Variants in ARHGAP28 observed in about 807,000 individuals in gnomAD.
The protein encoded by ARHGAP28 is Rho GTPase activating protein 28.
A neutral mutation model predicts 90.7 loss-of-function variants in ARHGAP28; 56 were observed. That is an observed-to-expected ratio of 0.62 (90% CI 0.50 to 0.77). The LOEUF (loss-of-function observed/expected upper bound fraction) is 0.77. Ranked by LOEUF, ARHGAP28 falls within the 30% of genes least tolerant of loss-of-function variation. The pLI, the probability that ARHGAP28 is intolerant of heterozygous loss-of-function variation, is 0.00. For synonymous variants in ARHGAP28, 308 were observed against 323.3 expected, an observed-to-expected ratio of 0.95 and a Z score of 0.51; for missense variants, 869 against 900.9, an observed-to-expected ratio of 0.96 and a Z score of 0.45.
chr18:6,849,657 A>T (rs1216216342), intron 3 of ARHGAP28, among the ~76,000 whole-genome samples: 1 of 152,194 alleles, frequency 6.6e-6, no homozygotes, highest in Admixed American at 6.5e-5. Context: ...AGTAATGTAT[A>T]GCTATTGGCC....
intron 1 of ARHGAP28, among the ~76,000 whole-genome samples, chr18:6,758,536 CTGG>C (rs1301317414): frequency 6.6e-6 from 1 of 152,186 alleles, no homozygotes; most frequent in Non-Finnish European, 1.5e-5. Context: ...GTTAGCCAGG[CTGG>C]TCTCGAACTC....
chr18:6,779,913 C>T (rs1260406018), intron 1 of ARHGAP28, among the ~76,000 whole-genome samples: 1 of 152,170 alleles, frequency 6.6e-6, no homozygotes, highest in Non-Finnish European at 1.5e-5. Flanking sequence ...TAACTTTGAA[C>T]CTGAGAGTCC....
chr18:6,880,233 T>G lies in ARHGAP28; in HGVS notation c.1291-1904T>G, dbSNP rs1016525182. Among the ~76,000 whole-genome samples the G allele has an allele frequency of 7.2e-5, 11 of 152,270 alleles. 1 individual carries two copies. Among genetic ancestry groups the G allele is most frequent in the Admixed American group, 2.0e-4 (3 of 15,304 alleles). The stretch of plus-strand genomic sequence containing the variant: ...GTCTTGGAAAATCATCTCGGATGAT[T>G]ATTTCTCCCTTTGAGTCTCATATTC... On this transcript the variant is annotated intron_variant, in intron 10 of 17. Transcript: ENST00000383472.
intron 1 of ARHGAP28, chr18:6,790,016 A>T (rs1344031955): frequency 4.6e-5 from 7 of 152,018 alleles, no homozygotes; most frequent in African/African-American, 1.7e-4. Context: ...TTTACAAAAC[A>T]CAAAGAGAGA....
chr18:6,879,226 G>A (rs1480273071), intron 10 of ARHGAP28, among the ~76,000 whole-genome samples: 4 of 152,124 alleles, frequency 2.6e-5, no homozygotes, highest in Admixed American at 6.5e-5. Flanking sequence ...GCCAAACACC[G>A]GGGAATATAT....
At chr18:6,748,073 TCATGGC>T (rs1437962180) in intron 1 of ARHGAP28, among the ~76,000 whole-genome samples, 1 of 152,208 alleles carries the variant, frequency 6.6e-6, no homozygotes, top group Non-Finnish European at 1.5e-5. Flanking sequence ...GCATTCAAGC[TCATGGC>T]CACAGGTGCT....
intron 16 of ARHGAP28, among the ~76,000 whole-genome samples, chr18:6,907,324 G>A (rs983011459): frequency 2.0e-5 from 3 of 149,760 alleles, no homozygotes; most frequent in African/African-American, 7.4e-5. Flanking sequence ...CCAAAGAAAT[G>A]AAGACCATGT....
At chr18:6,819,798 G>C (rs994474027) in intron 1 of ARHGAP28, among the ~76,000 whole-genome samples, 1 of 152,196 alleles carries the variant, frequency 6.6e-6, no homozygotes, top group African/African-American at 2.4e-5. Flanking sequence ...ACACAGGACA[G>C]ATCTCCCCCT....
intron 1 of ARHGAP28, among the ~76,000 whole-genome samples, chr18:6,805,486 T>G (rs1295094163): frequency 7.1e-6 from 1 of 140,434 alleles, no homozygotes; most frequent in East Asian, 2.0e-4. Context: ...TGCCTTTTTT[T>G]TTTTTTTTTT....
In ARHGAP28 at chr18:6,841,202, T is replaced by C. The variant is rs1457167021; in HGVS notation, c.543+3788T>C. The stretch of plus-strand genomic sequence containing the variant: ...TCTCCTCTCTCTCTCTCTCTCTCTC[T>C]CCTCTCCTCTCTCTCTCTCTCCCCC... On this transcript the variant is annotated intron_variant, in intron 3 of 17. Coordinates refer to ENST00000383472, the MANE Select transcript of ARHGAP28 (RefSeq NM_001366230.1). 1.9e-3 allele frequency among the ~76,000 whole-genome samples: 89 copies of C among 47,368 alleles called. 3 individuals carry two copies. Among genetic ancestry groups the C allele is most frequent in the African/African-American group, 9.1e-3 (85 of 9,324 alleles). 31.1% of individuals were successfully genotyped at this position (47,368 alleles called of 152,430 possible). A position where few individuals can be genotyped will look rare whatever the true frequency, so the allele number is the denominator to read the frequency against.
chr18:6,870,441 C>T lies in ARHGAP28; in HGVS notation c.812-149C>T, dbSNP rs1030747037. On this transcript the variant is annotated intron_variant, in intron 6 of 17. Transcript: ENST00000383472. The stretch of plus-strand genomic sequence containing the variant: ...GACACTGTTGTTTAACTGAACTCCT[C>T]GGGGTGAGTCTGCTGCTTTTCCTCG... 5.9e-5 allele frequency: 43 copies of T among 726,618 alleles called. No homozygotes were observed. The Middle Eastern group carries it at 3.2e-3, about 53-fold the overall frequency. 45.0% of individuals were successfully genotyped at this position (726,618 alleles called of 1,614,324 possible). A position where few individuals can be genotyped will look rare whatever the true frequency, so the allele number is the denominator to read the frequency against.
chr18:6,792,379 T>C (rs1334051698), intron 1 of ARHGAP28, among the ~76,000 whole-genome samples: 1 of 152,246 alleles, frequency 6.6e-6, no homozygotes, highest in East Asian at 1.9e-4. Context: ...ATTGTATATC[T>C]ATATTTAAAA....
chr18:6,904,079 A>G (rs2057352268), intron 16 of ARHGAP28, among the ~76,000 whole-genome samples: 1 of 152,110 alleles, frequency 6.6e-6, no homozygotes, highest in Admixed American at 6.5e-5. Flanking sequence ...ACCTAGAATG[A>G]AAGTAAAACT....
At chr18:6,822,492 T>C (rs924159114) in intron 1 of ARHGAP28, among the ~76,000 whole-genome samples, 15 of 152,176 alleles carry the variant, frequency 9.9e-5, no homozygotes, top group African/African-American at 3.6e-4. Flanking sequence ...AATAATAAAA[T>C]TAATAATAGC....
At chr18:6,784,158 G>T (rs1353930113) in intron 1 of ARHGAP28, among the ~76,000 whole-genome samples, 10 of 152,128 alleles carry the variant, frequency 6.6e-5, no homozygotes. Flanking sequence ...CCATGCAGTT[G>T]GAGATCCCTT....
chr18:6,749,608 T>C (rs1334669104), intron 1 of ARHGAP28, among the ~76,000 whole-genome samples: 1 of 152,168 alleles, frequency 6.6e-6, no homozygotes, highest in Non-Finnish European at 1.5e-5. Flanking sequence ...ATTCCTTCCA[T>C]ATAATATGTG....
chr18:6,849,122 A>G (rs2056889202), intron 3 of ARHGAP28, among the ~76,000 whole-genome samples: 1 of 151,750 alleles, frequency 6.6e-6, no homozygotes, highest in Admixed American at 6.6e-5. Flanking sequence ...GCCAGATGCA[A>G]TGGCATGTTC....
intron 1 of ARHGAP28, 87 bp downstream of exon 1, chr18:6,730,030 C>A: frequency 8.2e-7 from 1 of 1,215,762 alleles, no homozygotes; most frequent in Non-Finnish European, 1.0e-6. Flanking sequence ...CCTGAGCGCA[C>A]GACCGCCGTC....
intron 16 of ARHGAP28, among the ~76,000 whole-genome samples, chr18:6,899,579 C>G (rs1600303298): frequency 6.6e-6 from 1 of 152,146 alleles, no homozygotes; most frequent in South Asian, 2.1e-4. Context: ...TGGATCCAAG[C>G]AGGGAATGGA....
Sources: gnomAD v4.1 joint callset for allele counts (sites outside exome capture counted in the v4.1 genomes callset) on GRCh38, gnomAD v4.1.1 for gene constraint, MANE v1.5 for transcripts, NCBI Gene and HGNC (gene_info 2026-07-23, HGNC 2026-07-21) for gene names.